The following CDK18 variants were observed in gnomAD, a reference collection of about 807,000 sequenced individuals.
CDK18 encodes cyclin-dependent kinase 18.
In CDK18, 52 loss-of-function variants were observed where a neutral mutation model predicts 62.0. That is an observed-to-expected ratio of 0.84 (90% CI 0.67 to 1.06). CDK18 has a LOEUF of 1.06. Among genes scored for constraint, CDK18 ranks in the 50% least tolerant of loss-of-function variants. The pLI is 0.00. For synonymous variants in CDK18, 237 were observed against 247.0 expected, an observed-to-expected ratio of 0.96 and a Z score of 0.38; for missense variants, 604 against 619.9, an observed-to-expected ratio of 0.97 and a Z score of 0.27.
chr1:205,512,984 G>A (rs771089782), intron 1 of CDK18, among the ~76,000 whole-genome samples: 1 of 152,204 alleles, frequency 6.6e-6, no homozygotes, highest in Non-Finnish European at 1.5e-5. Context: ...AGGAGAGCTG[G>A]ACACGGGATA....
chr1:205,515,116 G>A (rs1667754815), intron 1 of CDK18, among the ~76,000 whole-genome samples: 1 of 151,860 alleles, frequency 6.6e-6, no homozygotes, highest in South Asian at 2.1e-4. Flanking sequence ...CCAAAAGCCT[G>A]GTCTGCCAGG....
At chr1:205,529,235 T>G in intron 11 of CDK18, 89 bp from the exon 12 acceptor site, 1 of 1,392,692 alleles carries the variant, frequency 7.2e-7, no homozygotes, top group East Asian at 2.3e-5. Context: ...CGGCCATCTT[T>G]GCTCCCACCT....
intron 3 of CDK18, 97 bp from the exon 4 acceptor site, chr1:205,524,135 C>A: frequency 7.0e-7 from 1 of 1,420,662 alleles, no homozygotes; most frequent in Non-Finnish European, 9.9e-7. Context: ...GGTTGTTCTG[C>A]AGGGAACGCT....
At chr1:205,529,644 A>G (rs764085242) in intron 13 of CDK18, 81 bp downstream of exon 13, 7 of 1,608,612 alleles carry the variant, frequency 4.4e-6, no homozygotes, top group Non-Finnish European at 2.5e-6. Context: ...CTACGCCCCA[A>G]CTTCTGTGGC....
chr1:205,514,390 G>A (rs1432596797), intron 1 of CDK18, among the ~76,000 whole-genome samples: 1 of 152,052 alleles, frequency 6.6e-6, no homozygotes, highest in Non-Finnish European at 1.5e-5. Flanking sequence ...GGAGTCTGGG[G>A]CTGGGTGACT....
chr1:205,523,323 C>T, intron 2 of CDK18, 26 bp downstream of exon 2: 1 of 1,613,738 alleles, frequency 6.2e-7, no homozygotes, highest in Non-Finnish European at 8.5e-7. Context: ...CCACCCAGCA[C>T]CTCTCCCACC....
chr1:205,518,819 C>T (rs1203742769), intron 1 of CDK18, among the ~76,000 whole-genome samples: 1 of 152,220 alleles, frequency 6.6e-6, no homozygotes, highest in Non-Finnish European at 1.5e-5. Flanking sequence ...CCACCCATGG[C>T]TCTGGCACCA....
In CDK18 at chr1:205,526,417, C is replaced by A. The variant is rs778116615; in HGVS notation, c.622C>A (p.Leu208Ile). Residue 208 changes from leucine to isoleucine, a missense_variant, in exon 7 of 16, where the codon CTC (leucine) becomes ATC (isoleucine). Coordinates refer to ENST00000429964, the MANE Select transcript of CDK18 (RefSeq NM_212502.3). ...KHANIVTLHDLIHTDRSLTLV... is the reference protein window; with the variant it reads ...KHANIVTLHDIIHTDRSLTLV... ...CGCCAATATTGTGACCCTGCATGAC[C>A]TCATCCACACAGATCGGTCCCTCAC... is the stretch of plus-strand genomic sequence containing the variant. 1.2e-6 allele frequency: 2 copies of A among 1,614,182 alleles called. No individual in the cohort carries two copies. The highest frequency in any genetic ancestry group is 4.5e-5 in the East Asian group (2 of 44,884).
In CDK18 at chr1:205,523,623, G is replaced by C; in HGVS notation, c.271G>C (p.Glu91Gln). The change falls in exon 3 of 16, where the codon GAG becomes CAG. Residue 91 changes from glutamate to glutamine, a missense_variant and splice_region_variant. Transcript: ENST00000429964. Reference sequence around the variant, plus strand: ...GCAGAACCAGCGCCGCTTCTCCATGGAGGTAAGGGCCTCTGGAGCTCTGCC... The same window carrying C: ...GCAGAACCAGCGCCGCTTCTCCATGCAGGTAAGGGCCTCTGGAGCTCTGCC... ...RRQNQRRFSMEDVSKRLSLPM... is the reference protein window; with the variant it reads ...RRQNQRRFSMQDVSKRLSLPM... The C allele has an allele frequency of 6.4e-7, 1 of 1,569,336 alleles. No homozygotes were observed. Among genetic ancestry groups the C allele is most frequent in the Non-Finnish European group, 8.6e-7 (1 of 1,157,210 alleles).
intron 1 of CDK18, among the ~76,000 whole-genome samples, chr1:205,506,946 C>G (rs181738609): frequency 2.0e-5 from 3 of 152,234 alleles, no homozygotes; most frequent in Non-Finnish European, 2.9e-5. Flanking sequence ...GTCTAGAGGA[C>G]ATGGAGCTGC....
At chr1:205,524,447 A>C in intron 4 of CDK18, 90 bp downstream of exon 4, 1 of 1,485,696 alleles carries the variant, frequency 6.7e-7, no homozygotes, top group Non-Finnish European at 9.2e-7. Context: ...CCTAGATGGG[A>C]TTTCGAGGAA....
chr1:205,522,905 G>A, intron 1 of CDK18: 1 of 490,920 alleles, frequency 2.0e-6, no homozygotes, highest in Non-Finnish European at 3.7e-6. Context: ...GCGTGGCGGG[G>A]CGGGCGGTGG....
chr1:205,527,892 G>C lies in CDK18; in HGVS notation c.828G>C (p.Arg276Ser), dbSNP rs145302776. 128 of 1,614,034 alleles carry C rather than the reference G, an allele frequency of 7.9e-5. No individual in the cohort carries two copies. The highest frequency in any genetic ancestry group is 3.4e-4 in the South Asian group (31 of 91,080). ...LKPQNLLINE[R>S]GELKLADFGL... ...CCCAGAACCTGCTCATCAACGAGAG[G>C]GGGGAGCTGAAGCTGGCCGACTTTG... The change falls in exon 9 of 16, where the codon AGG (arginine) becomes AGC (serine). Residue 276 changes from arginine to serine, a missense_variant. By Grantham distance (110) the Arg-to-Ser change is moderately radical. Coordinates refer to ENST00000429964, the MANE Select transcript of CDK18 (RefSeq NM_212502.3). This position sits in a 1 kb window ranked among gnomAD's most constrained non-coding sequence, Gnocchi z 4.1.
intron 1 of CDK18, 97 bp from the exon 2 acceptor site, chr1:205,523,050 G>A (rs945783219): frequency 5.2e-6 from 7 of 1,358,292 alleles, no homozygotes; most frequent in Admixed American, 4.4e-5. Context: ...CATACAGGGC[G>A]ACAGAGCTTG....
rs537018368 is a variant in CDK18, at chr1:205,529,316, C to T, written c.1073-8C>T. 26 of 1,610,680 alleles carry T rather than the reference C, an allele frequency of 1.6e-5. No individual in the cohort carries two copies. The East Asian group carries it at 5.8e-4, about 36-fold the overall frequency. On this transcript the variant is annotated splice_polypyrimidine_tract_variant and splice_region_variant and intron_variant, in intron 11 of 15. Transcript: ENST00000429964. ...GCAGGCCCTCCCCACCCTCTCTCGT[C>T]TCCCCAGGGACCCCCACAGAAGAGA...
chr1:205,522,706 C>T (rs949823400), intron 1 of CDK18: 2 of 154,810 alleles, frequency 1.3e-5, no homozygotes, highest in Non-Finnish European at 2.9e-5. Context: ...TGGTAAATTT[C>T]TGCTGGTCCA....
At chr1:205,529,657 G>A (rs1001433123) in intron 13 of CDK18, 94 bp downstream of exon 13, 4 of 1,599,478 alleles carry the variant, frequency 2.5e-6, no homozygotes, top group Admixed American at 1.7e-5. Context: ...TCTGTGGCTC[G>A]TGTGCTTACA....
Position 205,527,963 on chromosome 1 carries a change from C to T in CDK18, c.853+46C>T, listed in dbSNP as rs2102317838. The T allele has an allele frequency of 6.2e-7, 1 of 1,613,256 alleles. No homozygotes were observed. The highest frequency in any genetic ancestry group is 1.7e-5 in the Admixed American group (1 of 59,996). ...GGGGTCTGACGCTACTGGGGTGCCTCAGGGTGTGGGTGCAGTGGGGGAGGG... is the reference window on the plus strand; with the variant it reads ...GGGGTCTGACGCTACTGGGGTGCCTTAGGGTGTGGGTGCAGTGGGGGAGGG... On this transcript the variant is annotated intron_variant, in intron 9 of 15. Transcript: ENST00000429964. This position sits in a 1 kb window ranked among gnomAD's most constrained non-coding sequence, Gnocchi z 4.1.
intron 1 of CDK18, among the ~76,000 whole-genome samples, chr1:205,515,636 A>C (rs1667781652): frequency 2.6e-5 from 4 of 152,178 alleles, no homozygotes; most frequent in South Asian, 4.1e-4. Context: ...ACAGCTACTA[A>C]GTGGGGTTTC....
Sources: gnomAD v4.1 joint callset for allele counts (sites outside exome capture counted in the v4.1 genomes callset) on GRCh38, gnomAD v4.1.1 for gene constraint, Gnocchi (gnomAD v3.1) non-coding constraint, MANE v1.5 for transcripts, NCBI Gene and HGNC (gene_info 2026-07-23, HGNC 2026-07-21) for gene names.